NPAS3: variants seen among roughly 807,000 people sequenced by gnomAD.
The protein encoded by NPAS3 is neuronal PAS domain protein 3, also known as neuronal PAS domain-containing protein 3.
In NPAS3, 14 loss-of-function variants were observed where a neutral mutation model predicts 73.1. That is an observed-to-expected ratio of 0.19 (90% CI 0.13 to 0.30). The LOEUF (loss-of-function observed/expected upper bound fraction) is 0.30, where lower values mean the gene tolerates loss of function less well. Ranked by LOEUF, NPAS3 falls within the 10% of genes least tolerant of loss-of-function variation. The pLI, the probability that NPAS3 is intolerant of heterozygous loss-of-function variation, is 1.00. For missense variants in NPAS3, 1,096 were observed against 1,250.0 expected (o/e 0.88, Z 1.86); for synonymous variants, 620 against 541.5 (o/e 1.14, Z -2.01).
intron 2 of NPAS3, among the ~76,000 whole-genome samples, chr14:33,213,089 A>C (rs4143918): frequency 6.6e-6 from 1 of 152,168 alleles, no homozygotes; most frequent in Admixed American, 6.5e-5. Flanking sequence ...CATTGGCTCA[A>C]ACTGTGCTAC....
intron 5 of NPAS3, among the ~76,000 whole-genome samples, chr14:33,648,523 A>C (rs1400219308): frequency 6.6e-6 from 1 of 152,238 alleles, no homozygotes; most frequent in East Asian, 1.9e-4. Flanking sequence ...TCTAAAAATA[A>C]TCTTTGAAGG....
chr14:33,084,095 G>A (rs769559932), intron 2 of NPAS3, among the ~76,000 whole-genome samples: 1 of 152,138 alleles, frequency 6.6e-6, no homozygotes, highest in Non-Finnish European at 1.5e-5. Context: ...AAAGAGTGGG[G>A]TCTTTGGTGT....
At position 33,800,647 on chromosome 14, in the gene NPAS3, G is replaced by A. The variant is rs981692072; in HGVS notation, c.2340G>A (p.Ala780=). 7.4e-6 allele frequency: 11 copies of A among 1,494,858 alleles called. No individual in the cohort carries two copies. The African/African-American group carries it at 1.2e-4, about 16-fold the overall frequency. The allele number at this position is 1,494,858 out of a possible 1,614,324, so 92.6% of individuals were successfully genotyped here. Residue 780 remains alanine, a synonymous_variant, in exon 12 of 12, where the codon GCG becomes GCA. Transcript: ENST00000356141. The surrounding 1 kb of genome is among the most constrained non-coding windows in gnomAD (Gnocchi z 6.5). ...GCGCGGGGGGCGGCGGCCCCAGCGC[G>A]TCCAACTCCTTGCTGTACACTGGGG... is the stretch of plus-strand genomic sequence containing the variant.
At chr14:33,176,365 C>T (rs1369413431) in intron 2 of NPAS3, among the ~76,000 whole-genome samples, 3 of 151,906 alleles carry the variant, frequency 2.0e-5, no homozygotes, top group African/African-American at 7.3e-5. Flanking sequence ...AACAATAGCC[C>T]CTCCCTGCTT....
intron 5 of NPAS3, among the ~76,000 whole-genome samples, chr14:33,675,368 A>G (rs1430554063): frequency 6.6e-6 from 1 of 152,222 alleles, no homozygotes; most frequent in Non-Finnish European, 1.5e-5. Flanking sequence ...CATGCCTGAC[A>G]GCATTAAAAT....
intron 9 of NPAS3, among the ~76,000 whole-genome samples, chr14:33,789,164 TAGCTA>T (rs1947068402): frequency 1.3e-5 from 2 of 152,322 alleles, no homozygotes; most frequent in African/African-American, 4.8e-5. Flanking sequence ...TTGTAATTGT[TAGCTA>T]AGCAAAGCTG....
At chr14:33,335,045 T>C (rs912333506) in intron 3 of NPAS3, among the ~76,000 whole-genome samples, 5 of 139,562 alleles carry the variant, frequency 3.6e-5, no homozygotes, top group Non-Finnish European at 8.1e-5. Context: ...TGTGTGTGCG[T>C]GTGTGTGTGT....
downstream of NPAS3, chr14:33,801,259 C>T: frequency 7.1e-7 from 1 of 1,409,140 alleles, no homozygotes; most frequent in South Asian, 1.4e-5. Context: ...CTCTTTCTTT[C>T]ACCTGACTTA....
chr14:33,343,468 A>T (rs1338705779), intron 3 of NPAS3, among the ~76,000 whole-genome samples: 3 of 152,132 alleles, frequency 2.0e-5, no homozygotes, highest in Admixed American at 6.6e-5. Context: ...ATTTCTGTAC[A>T]TACATCACCA....
At chr14:33,612,147 TG>T (rs1351995377) in intron 5 of NPAS3, among the ~76,000 whole-genome samples, 7 of 151,954 alleles carry the variant, frequency 4.6e-5, no homozygotes, top group African/African-American at 1.7e-4. Context: ...CTGCTAGCTC[TG>T]GAAATCTAGG....
Position 33,495,880 on chromosome 14 carries a change from A to C in NPAS3, c.469-64241A>C, listed in dbSNP as rs1230611609. 2.6e-5 allele frequency among the ~76,000 whole-genome samples: 4 copies of C among 152,210 alleles called. No individual in the cohort carries two copies. In the East Asian group the frequency reaches 7.7e-4, roughly 29 times the overall value. On this transcript the variant is annotated intron_variant, in intron 4 of 11. Transcript: ENST00000356141. ...GAGCCTAGAAGGAGACAGAGACCCAAAAATCCCTTCAAAAAAATCAATGAA... is the reference window on the plus strand; with the variant it reads ...GAGCCTAGAAGGAGACAGAGACCCACAAATCCCTTCAAAAAAATCAATGAA...
intron 4 of NPAS3, among the ~76,000 whole-genome samples, chr14:33,485,903 G>A (rs1317005646): frequency 2.0e-5 from 3 of 151,868 alleles, no homozygotes; most frequent in Non-Finnish European, 4.4e-5. Flanking sequence ...CTCAGGTTGC[G>A]TAGTGAACAA....
intron 3 of NPAS3, among the ~76,000 whole-genome samples, chr14:33,235,755 G>A (rs1048508026): frequency 6.7e-6 from 1 of 149,050 alleles, no homozygotes; most frequent in Non-Finnish European, 1.5e-5. Flanking sequence ...AATCTTTTGA[G>A]TGCAAGTACA....
At chr14:33,797,418 T>C (rs2063543082) in intron 10 of NPAS3, 39 bp from the exon 11 acceptor site, 2 of 1,606,804 alleles carry the variant, frequency 1.2e-6, no homozygotes, top group African/African-American at 1.3e-5. Flanking sequence ...CCATGCAGAA[T>C]GGGTGTCTGC....
At chr14:33,183,299 G>A (rs894987849) in intron 2 of NPAS3, among the ~76,000 whole-genome samples, 6 of 151,980 alleles carry the variant, frequency 3.9e-5, no homozygotes, top group African/African-American at 7.3e-5. Flanking sequence ...GGTGGTGGGC[G>A]CCTGTAATCC....
rs374881471 is a variant in NPAS3 at position 33,240,675 on chromosome 14, C to T, written c.385+25249C>T. 1.6e-4 allele frequency among the ~76,000 whole-genome samples: 25 copies of T among 151,978 alleles called. 2 individuals are homozygous for T. The highest frequency in any genetic ancestry group is 7.9e-4 in the Admixed American group (12 of 15,242). On this transcript the variant is annotated intron_variant, in intron 3 of 11. Transcript: ENST00000356141. ...TTTTTCCTCTCTTGAGAGACCACAT[C>T]GCTCCCTTTCATTATTGCCATTATT...
chr14:33,271,794 G>C (rs567580544), intron 3 of NPAS3, among the ~76,000 whole-genome samples: 15 of 152,020 alleles, frequency 9.9e-5, no homozygotes, highest in African/African-American at 3.4e-4. Flanking sequence ...ATCCATTTGG[G>C]GGGACAATAT....
At chr14:33,346,548 AAG>A (rs1486062050) in intron 3 of NPAS3, among the ~76,000 whole-genome samples, 1 of 151,756 alleles carries the variant, frequency 6.6e-6, no homozygotes, top group Non-Finnish European at 1.5e-5. Context: ...AAAAAAAAAA[AAG>A]GAAATGTTGA....
At chr14:33,447,001 C>T (rs1426998311) in intron 4 of NPAS3, among the ~76,000 whole-genome samples, 7 of 152,190 alleles carry the variant, frequency 4.6e-5, no homozygotes, top group African/African-American at 9.7e-5. Flanking sequence ...GCAATATGCA[C>T]GAGATGCTAT....
Sources: allele counts gnomAD v4.1 joint callset (sites outside exome capture counted in the v4.1 genomes callset), GRCh38; gene constraint gnomAD v4.1.1; non-coding constraint Gnocchi (gnomAD v3.1); transcripts MANE v1.5; gene names NCBI Gene and HGNC (gene_info 2026-07-23, HGNC 2026-07-21).